ANKRD28: variants seen among roughly 807,000 people sequenced by gnomAD.
The protein encoded by ANKRD28 is serine/threonine-protein phosphatase 6 regulatory ankyrin repeat subunit A.
In ANKRD28, 44 loss-of-function variants were observed where a neutral mutation model predicts 126.5. That is an observed-to-expected ratio of 0.35 (90% CI 0.27 to 0.45). The LOEUF is 0.45. Among genes scored for constraint, ANKRD28 ranks in the 20% least tolerant of loss-of-function variants. The pLI is 1.00. For missense variants in ANKRD28, 1,110 were observed against 1,316.6 expected, an observed-to-expected ratio of 0.84 and a Z score of 2.43; for synonymous variants, 442 against 468.5, an observed-to-expected ratio of 0.94 and a Z score of 0.73.
intron 10 of ANKRD28, among the ~76,000 whole-genome samples, chr3:15,713,095 G>A (rs1281766236): frequency 6.6e-6 from 1 of 152,068 alleles, no homozygotes; most frequent in Non-Finnish European, 1.5e-5. Context: ...CAAAATGGGG[G>A]TGGGGGTAAG....
intron 2 of ANKRD28, among the ~76,000 whole-genome samples, chr3:15,777,271 C>CAAAAAAAAAA (rs148444429): frequency 2.7e-5 from 3 of 111,638 alleles, no homozygotes; most frequent in Admixed American, 9.2e-5. Flanking sequence ...GACTCCGTCT[C>CAAAAAAAAAA]AAAAAAAAAA....
intron 8 of ANKRD28, among the ~76,000 whole-genome samples, chr3:15,719,063 T>C (rs889245579): frequency 3.3e-5 from 5 of 152,244 alleles, no homozygotes; most frequent in African/African-American, 1.2e-4. Flanking sequence ...TACTAGGTGA[T>C]TTGACCGAGA....
chr3:15,730,978 T>C (rs1301777515), intron 6 of ANKRD28, among the ~76,000 whole-genome samples: 1 of 152,174 alleles, frequency 6.6e-6, no homozygotes, highest in African/African-American at 2.4e-5. Flanking sequence ...CACAATGTGG[T>C]GCTTCAAGAG....
intron 4 of ANKRD28, among the ~76,000 whole-genome samples, chr3:15,745,130 A>T (rs2057391693): frequency 6.6e-6 from 1 of 152,054 alleles, no homozygotes; most frequent in Non-Finnish European, 1.5e-5. Context: ...GATTCTGGAT[A>T]TTACTCCTTT....
chr3:15,712,301 C>G, intron 10 of ANKRD28, 79 bp from the exon 11 acceptor site: 1 of 1,173,826 alleles, frequency 8.5e-7, no homozygotes, highest in African/African-American at 1.5e-5. Flanking sequence ...ACAAAGAGAC[C>G]ACTTAAGTGA....
At chr3:15,727,709 G>A (rs1230275604) in intron 6 of ANKRD28, among the ~76,000 whole-genome samples, 4 of 152,038 alleles carry the variant, frequency 2.6e-5, no homozygotes, top group Non-Finnish European at 5.9e-5. Context: ...AGACTTCAGC[G>A]AAGGAAATAA....
chr3:15,699,221 A>G (rs1249495778), intron 14 of ANKRD28, among the ~76,000 whole-genome samples: 2 of 152,198 alleles, frequency 1.3e-5, no homozygotes, highest in Non-Finnish European at 2.9e-5. Context: ...CCTTCCTTAC[A>G]CTATATACAA....
Position 15,816,616 on chromosome 3 carries a change from C to G in ANKRD28, c.28-21310G>C, listed in dbSNP as rs769018432. Among the ~76,000 whole-genome samples the G allele has an allele frequency of 1.3e-5, 2 of 152,120 alleles. No individual in the cohort carries two copies. The highest frequency in any genetic ancestry group is 2.9e-5 in the Non-Finnish European group (2 of 68,004). On this transcript the variant is annotated intron_variant, in intron 1 of 27. Coordinates refer to the ANKRD28 transcript ENST00000399451. The surrounding 1 kb of genome is among the most constrained non-coding windows in gnomAD (Gnocchi z 5.0). The stretch of plus-strand genomic sequence containing the variant: ...TTCAAAAGGAAAAGTGTTTGGTGCC[C>G]TTTATTTTACTACACTATTTAACCC...
At chr3:15,724,886 CAGA>C (rs2074040015) in intron 6 of ANKRD28, among the ~76,000 whole-genome samples, 1 of 152,146 alleles carries the variant, frequency 6.6e-6, no homozygotes, top group East Asian at 1.9e-4. Context: ...GAGGCTGAGA[CAGA>C]AGAATTACTT....
chr3:15,743,584 A>ACACG (rs2057270885), intron 4 of ANKRD28, among the ~76,000 whole-genome samples: 1 of 149,252 alleles, frequency 6.7e-6, no homozygotes, highest in African/African-American at 2.5e-5. Flanking sequence ...ACACACACAC[A>ACACG]CACACACACG....
intron 1 of ANKRD28, among the ~76,000 whole-genome samples, chr3:15,831,350 A>T (rs745847469): frequency 2.0e-5 from 3 of 152,200 alleles, no homozygotes; most frequent in Admixed American, 6.5e-5. Context: ...TCCAAATTGC[A>T]CTGCCAAACT....
At chr3:15,766,688 A>C (rs1044302711) in intron 2 of ANKRD28, among the ~76,000 whole-genome samples, 2 of 152,196 alleles carry the variant, frequency 1.3e-5, no homozygotes, top group African/African-American at 2.4e-5. Flanking sequence ...AAACAAAAAA[A>C]AACAACAAAA....
rs576540774 is a variant in ANKRD28 at position 15,812,971 on chromosome 3, T to G, written c.28-17665A>C. ...AATCAGGTAAACGGTGTGTTCCCAA[T>G]AATCTACCCCTATCCTATCAGAAAA... On this transcript the variant is annotated intron_variant, in intron 1 of 27. Transcript: ENST00000399451. This position sits in a 1 kb window ranked among gnomAD's most constrained non-coding sequence, Gnocchi z 4.1. Among the ~76,000 whole-genome samples, 3 of 151,514 alleles carry G rather than the reference T, an allele frequency of 2.0e-5. No homozygotes were observed. The East Asian group carries it at 5.8e-4, about 29-fold the overall frequency.
intron 3 of ANKRD28, among the ~76,000 whole-genome samples, chr3:15,762,222 A>C (rs181460094): frequency 0.067 from 5,818 of 86,970 alleles, 301 homozygotes; most frequent in East Asian, 0.44. Flanking sequence ...AACAAAACAA[A>C]AAAAAAAAAA....
chr3:15,739,244 T>G (rs1468452754), intron 4 of ANKRD28, among the ~76,000 whole-genome samples: 1 of 152,164 alleles, frequency 6.6e-6, no homozygotes, highest in Non-Finnish European at 1.5e-5. Flanking sequence ...ACAAGAATAA[T>G]GACTGGGGAA....
chr3:15,713,032 T>C (rs2072528268), intron 10 of ANKRD28, among the ~76,000 whole-genome samples: 1 of 152,150 alleles, frequency 6.6e-6, no homozygotes, highest in African/African-American at 2.4e-5. Flanking sequence ...TCAAACAAAA[T>C]ATTACAATGG....
intron 18 of ANKRD28, among the ~76,000 whole-genome samples, chr3:15,688,134 T>A (rs115679093): frequency 1.9e-3 from 287 of 150,154 alleles, no homozygotes; most frequent in African/African-American, 6.5e-3. Context: ...GACTGGCTAA[T>A]GTCTCAGTTC....
intron 2 of ANKRD28, among the ~76,000 whole-genome samples, chr3:15,774,949 T>A (rs1469304851): frequency 8.0e-6 from 1 of 124,844 alleles, no homozygotes; most frequent in Non-Finnish European, 1.7e-5. Flanking sequence ...CAATCTCGGC[T>A]CACTGCAACC....
intron 27 of ANKRD28, 130 bp downstream of exon 27, chr3:15,675,768 A>G (rs1441808597): frequency 2.8e-6 from 2 of 724,480 alleles, no homozygotes; most frequent in African/African-American, 1.8e-5. Context: ...CTTTGCCACA[A>G]ACTACTCTTC....
Sources: gnomAD v4.1 joint callset for allele counts (sites outside exome capture counted in the v4.1 genomes callset) on GRCh38, gnomAD v4.1.1 for gene constraint, Gnocchi (gnomAD v3.1) non-coding constraint, MANE v1.5 for transcripts, NCBI Gene and HGNC (gene_info 2026-07-23, HGNC 2026-07-21) for gene names.